Variants in FGGY observed in about 807,000 individuals in gnomAD.
FGGY encodes FGGY carbohydrate kinase domain-containing protein.
In FGGY, 72 loss-of-function variants were observed where a neutral mutation model predicts 71.3. The observed-to-expected ratio is 1.01, with a 90% confidence interval of 0.84 to 1.23. The LOEUF (loss-of-function observed/expected upper bound fraction) is 1.23. FGGY is among the 50% of genes most tolerant of loss of function. The pLI is 0.00. For missense variants in FGGY, 668 were observed against 682.3 expected (o/e 0.98, Z 0.23); for synonymous variants, 251 against 250.3 (o/e 1.00, Z -0.02).
intron 4 of FGGY, among the ~76,000 whole-genome samples, chr1:59,372,285 A>C (rs1419848255): frequency 6.6e-6 from 1 of 152,252 alleles, no homozygotes; most frequent in Non-Finnish European, 1.5e-5. Context: ...AAACACCTCT[A>C]CGCAAATAAA....
At chr1:59,745,651 T>G (rs1247462456) in intron 14 of FGGY, among the ~76,000 whole-genome samples, 1 of 152,242 alleles carries the variant, frequency 6.6e-6, no homozygotes, top group African/African-American at 2.4e-5. Context: ...AAGTGAAGCA[T>G]ATCCTGGCTA....
chr1:59,757,937 A>G lies in FGGY; in HGVS notation c.1519A>G (p.Met507Val). Residue 507 changes from methionine (M) to valine (V), a missense_variant, in exon 15 of 16, where the codon ATG becomes GTG. Transcript: ENST00000303721. ...GTTGTTTTCCATTTAATAGGAAGCA[A>G]TGGCAAAAATGAGCAAAGTTGGGAA... ...SGDFASVQEA[M>V]AKMSKVGKVV... 2 of 1,613,058 alleles carry G rather than the reference A, an allele frequency of 1.2e-6. No homozygotes were observed. Among genetic ancestry groups the G allele is most frequent in the Non-Finnish European group, 1.7e-6 (2 of 1,179,362 alleles).
At chr1:59,583,172 A>G (rs1300918244) in intron 8 of FGGY, among the ~76,000 whole-genome samples, 2 of 142,946 alleles carry the variant, frequency 1.4e-5, no homozygotes, top group African/African-American at 5.5e-5. Context: ...TGATGTAACT[A>G]ACTATAGGAA....
chr1:59,301,326 G>A (rs916202652), intron 1 of FGGY, among the ~76,000 whole-genome samples: 1 of 152,104 alleles, frequency 6.6e-6, no homozygotes, highest in Non-Finnish European at 1.5e-5. Context: ...TCTTGCTCAT[G>A]TGCTTATTAT....
chr1:59,702,129 A>G (rs976556716), intron 14 of FGGY, among the ~76,000 whole-genome samples: 16 of 152,118 alleles, frequency 1.1e-4, no homozygotes, highest in African/African-American at 3.9e-4. Context: ...TCTCGTGAGA[A>G]CTCCCTCACT....
intron 11 of FGGY, chr1:59,641,301 ATTCCGGC>A (rs759435231): frequency 2.0e-5 from 33 of 1,611,288 alleles, no homozygotes; most frequent in Middle Eastern, 3.3e-4. Context: ...ATATCTGTAT[ATTCCGGC>A]TTTGGCAGCG....
intron 7 of FGGY, among the ~76,000 whole-genome samples, chr1:59,531,320 T>C (rs999316721): frequency 3.9e-5 from 6 of 152,196 alleles, no homozygotes; most frequent in African/African-American, 1.4e-4. Flanking sequence ...TGAAGTGGTA[T>C]TGTTGGAATA....
At chr1:59,409,598 T>TTATATATATATATA (rs202016801) in intron 5 of FGGY, among the ~76,000 whole-genome samples, 36 of 105,764 alleles carry the variant, frequency 3.4e-4, no homozygotes, top group African/African-American at 1.1e-3. Flanking sequence ...GAAGAGTTTT[T>TTATATATATATATA]TATATATATA....
At chr1:59,585,513 A>G (rs555649708) in intron 8 of FGGY, among the ~76,000 whole-genome samples, 1 of 152,338 alleles carries the variant, frequency 6.6e-6, no homozygotes, top group East Asian at 1.9e-4. Context: ...CTATACAAAA[A>G]TTAATTCAAA....
At chr1:59,402,172 C>G (rs2062055718) in intron 5 of FGGY, among the ~76,000 whole-genome samples, 1 of 152,096 alleles carries the variant, frequency 6.6e-6, no homozygotes, top group African/African-American at 2.4e-5. Context: ...AAAGCATGAA[C>G]ATGAAAGAAG....
chr1:59,552,527 C>T (rs1160950946), intron 7 of FGGY, among the ~76,000 whole-genome samples: 1 of 152,188 alleles, frequency 6.6e-6, no homozygotes, highest in Non-Finnish European at 1.5e-5. Flanking sequence ...AGGCCTGTCT[C>T]TGGCCTTTTT....
intron 12 of FGGY, among the ~76,000 whole-genome samples, chr1:59,662,902 T>C (rs1387633550): frequency 6.6e-6 from 1 of 152,264 alleles, no homozygotes; most frequent in Non-Finnish European, 1.5e-5. Context: ...TGAGGAACTT[T>C]TATTTTCAGA....
chr1:59,379,950 C>CAAAGGACATGAACTCATCCTTT (rs2059187826), intron 5 of FGGY, among the ~76,000 whole-genome samples: 1 of 152,040 alleles, frequency 6.6e-6, no homozygotes, highest in Non-Finnish European at 1.5e-5. Flanking sequence ...CCCCCGCCTC[C>CAAAGGACATGAACTCATCCTTT]CCACCCCACA....
chr1:59,679,841 A>G (rs2097478390), intron 14 of FGGY, among the ~76,000 whole-genome samples: 1 of 152,110 alleles, frequency 6.6e-6, no homozygotes, highest in African/African-American at 2.4e-5. Context: ...ATTATAGCTT[A>G]TTTCACCAGT....
chr1:59,318,365 C>A (rs1184303749), intron 1 of FGGY, among the ~76,000 whole-genome samples: 1 of 152,148 alleles, frequency 6.6e-6, no homozygotes, highest in Admixed American at 6.5e-5. Context: ...CTGCTGTATG[C>A]CAGGCACTGG....
At chr1:59,310,517 T>C (rs1290977029) in intron 1 of FGGY, among the ~76,000 whole-genome samples, 4 of 152,212 alleles carry the variant, frequency 2.6e-5, no homozygotes, top group Non-Finnish European at 5.9e-5. Flanking sequence ...TAAAATGAAA[T>C]AACCCTGCAT....
chr1:59,574,460 A>AT (rs1325838261), intron 8 of FGGY, among the ~76,000 whole-genome samples: 1 of 148,238 alleles, frequency 6.7e-6, no homozygotes, highest in African/African-American at 2.5e-5. Context: ...TTTCTTTTTT[A>AT]TTTTTTTGCC....
rs922438957 is a variant in FGGY, at chr1:59,567,401, C to T, written c.903+13174C>T. Among the ~76,000 whole-genome samples, 3 of 152,072 alleles carry T rather than the reference C, an allele frequency of 2.0e-5. No homozygotes were observed. The East Asian group carries it at 5.8e-4, about 29-fold the overall frequency. On this transcript the variant is annotated intron_variant, in intron 8 of 15. Transcript: ENST00000303721. ...TTTGTATTTGGGCTGTTTAGTTGAT[C>T]GTTGTAGCCTTGTGTGGCACCAGGC... is the stretch of plus-strand genomic sequence containing the variant.
intron 11 of FGGY, chr1:59,641,154 G>A (rs2097021790): frequency 1.5e-6 from 1 of 659,204 alleles, no homozygotes. Context: ...GTATTCTAGA[G>A]GGAAGAGAGC....
Sources: gnomAD v4.1 joint callset for allele counts (sites outside exome capture counted in the v4.1 genomes callset) on GRCh38, gnomAD v4.1.1 for gene constraint, MANE v1.5 for transcripts, NCBI Gene and HGNC (gene_info 2026-07-23, HGNC 2026-07-21) for gene names.